Variants in PHACTR4 observed in about 807,000 individuals in gnomAD.
PHACTR4 encodes the protein protein phosphatase 1, regulatory subunit 124.
PHACTR4 carries 51 observed loss-of-function variants against 72.7 expected under a neutral mutation model. That is an observed-to-expected ratio of 0.70 (90% CI 0.56 to 0.89). The LOEUF is 0.89. Among genes scored for constraint, PHACTR4 ranks in the 40% least tolerant of loss-of-function variants. PHACTR4 has a pLI of 0.00. For synonymous variants in PHACTR4, 255 were observed against 302.5 expected, an observed-to-expected ratio of 0.84 and a Z score of 1.63; for missense variants, 731 against 861.8, an observed-to-expected ratio of 0.85 and a Z score of 1.90.
chr1:28,418,415 A>T (rs1418589600), intron 2 of PHACTR4, among the ~76,000 whole-genome samples: 1 of 151,998 alleles, frequency 6.6e-6, no homozygotes, highest in African/African-American at 2.4e-5. Context: ...TGGGAGGCAG[A>T]GGTTGCAGTG....
intron 1 of PHACTR4, among the ~76,000 whole-genome samples, chr1:28,380,749 G>C (rs779110308): frequency 6.6e-6 from 1 of 152,028 alleles, no homozygotes; most frequent in Non-Finnish European, 1.5e-5. Flanking sequence ...TACTTTTGAT[G>C]GGCATTTAGG....
chr1:28,379,742 A>G (rs1380438312), intron 1 of PHACTR4, among the ~76,000 whole-genome samples: 2 of 151,374 alleles, frequency 1.3e-5, no homozygotes, highest in African/African-American at 4.9e-5. Context: ...GGCGCCCGCC[A>G]CCACACCCGA....
At chr1:28,370,624 C>CAAAAA (rs1026543199) in intron 1 of PHACTR4, among the ~76,000 whole-genome samples, 3 of 142,294 alleles carry the variant, frequency 2.1e-5, no homozygotes, top group South Asian at 2.2e-4. Context: ...AAAAAAAAAA[C>CAAAAA]CCTCCAGTGC....
At chr1:28,468,543 G>T (rs1659364287) in intron 6 of PHACTR4, among the ~76,000 whole-genome samples, 1 of 152,186 alleles carries the variant, frequency 6.6e-6, no homozygotes, top group Non-Finnish European at 1.5e-5. Context: ...AGTGAGCTGA[G>T]ATTGTGCCAC....
At chr1:28,471,735 C>T (rs1221967089) in intron 6 of PHACTR4, among the ~76,000 whole-genome samples, 1 of 151,974 alleles carries the variant, frequency 6.6e-6, no homozygotes, top group Non-Finnish European at 1.5e-5. Context: ...AGGGTGAAGG[C>T]TTCTCATCTA....
chr1:28,452,077 A>G (rs1658017160), intron 2 of PHACTR4, among the ~76,000 whole-genome samples: 1 of 152,168 alleles, frequency 6.6e-6, no homozygotes, highest in Admixed American at 6.5e-5. Context: ...ATATACTTAA[A>G]AGAACTCTTA....
chr1:28,420,460 A>G (rs1407436806), intron 2 of PHACTR4, among the ~76,000 whole-genome samples: 2 of 152,070 alleles, frequency 1.3e-5, no homozygotes, highest in African/African-American at 4.8e-5. Context: ...ACCTCCCACC[A>G]TTATGGTAAG....
intron 2 of PHACTR4, among the ~76,000 whole-genome samples, chr1:28,437,319 G>A (rs1557813074): frequency 6.6e-6 from 1 of 152,148 alleles, no homozygotes; most frequent in East Asian, 1.9e-4. Context: ...CACCTCCTGG[G>A]CTCAGGCAAT....
In PHACTR4 at chr1:28,453,943, C is replaced by T. The variant is rs746815838; in HGVS notation, c.17-5142C>T. The T allele has an allele frequency of 1.4e-4, 89 of 641,458 alleles. 1 individual carries two copies. The highest frequency in any genetic ancestry group is 4.6e-4 in the East Asian group (11 of 24,040). The allele number at this position is 641,458 out of a possible 1,614,324, so 39.7% of individuals were successfully genotyped here. On this transcript the variant is annotated intron_variant, in intron 2 of 13. Transcript: ENST00000373839. ...AGAATACATGGAACACGGCCAGGCA[C>T]GGTGGCACACGCCCGTAATCTTAGC... is the stretch of plus-strand genomic sequence containing the variant.
intron 1 of PHACTR4, among the ~76,000 whole-genome samples, chr1:28,384,025 G>A (rs534896520): frequency 2.0e-5 from 3 of 152,278 alleles, no homozygotes; most frequent in East Asian, 1.9e-4. Context: ...CTTGATTGTG[G>A]TGGGTAAGCT....
intron 2 of PHACTR4, among the ~76,000 whole-genome samples, chr1:28,444,389 C>T (rs1657281054): frequency 6.6e-6 from 1 of 150,648 alleles, no homozygotes; most frequent in Non-Finnish European, 1.5e-5. Flanking sequence ...GCCACCATGA[C>T]CAGCTAATTT....
At chr1:28,409,750 T>A (rs1321371319) in intron 2 of PHACTR4, among the ~76,000 whole-genome samples, 1 of 152,130 alleles carries the variant, frequency 6.6e-6, no homozygotes, top group Non-Finnish European at 1.5e-5. Context: ...TGTCTTGCTT[T>A]GAGAAGACTG....
rs779833186 is a variant in PHACTR4 at position 28,466,778 on chromosome 1, T to A, written c.823+10T>A. The A allele has an allele frequency of 1.3e-6, 2 of 1,598,418 alleles. No individual in the cohort carries two copies. The highest frequency in any genetic ancestry group is 3.4e-5 in the Admixed American group (2 of 58,324). ...AGCAACCCTGTCATTGGTAAGTAAG[T>A]CTTTAGGCTTCCAGTGTTTTGGGTT... On this transcript the variant is annotated intron_variant, in intron 6 of 13. Coordinates refer to ENST00000373839, the MANE Select transcript of PHACTR4 (RefSeq NM_001048183.3).
At position 28,465,807 on chromosome 1, in the gene PHACTR4, C is replaced by CTTA. The variant is rs1659123829; in HGVS notation, c.395_397dup (p.Leu132_Arg133insIle). 1 of 1,610,710 alleles carries CTTA rather than the reference C, an allele frequency of 6.2e-7. No individual in the cohort carries two copies. The stretch of plus-strand genomic sequence containing the variant: ...GGAAGAGCCAGTAAGATTAGCAAGT[C>CTTA]TTAGGAAAGCTATTCCAGAAGAGGA... On this transcript the variant is annotated inframe_insertion, in exon 5 of 14. Coordinates refer to ENST00000373839, the MANE Select transcript of PHACTR4 (RefSeq NM_001048183.3).
At chr1:28,444,782 A>ATTTTT (rs577693546) in intron 2 of PHACTR4, among the ~76,000 whole-genome samples, 5 of 116,680 alleles carry the variant, frequency 4.3e-5, no homozygotes, top group Admixed American at 8.7e-5. Context: ...CACCCAGCTA[A>ATTTTT]TTTTTTTTTT....
intron 1 of PHACTR4, among the ~76,000 whole-genome samples, chr1:28,380,050 ACTTTTTTTTTTTT>A (rs1652035084): frequency 7.8e-6 from 1 of 128,078 alleles, no homozygotes; most frequent in Non-Finnish European, 1.6e-5. Flanking sequence ...TTTAAATGTA[ACTTTTTTTTTTTT>A]TTTTTTTTTT....
At chr1:28,453,617 G>C in intron 2 of PHACTR4, 1 of 1,221,896 alleles carries the variant, frequency 8.2e-7, no homozygotes, top group Non-Finnish European at 1.2e-6. Context: ...CTACAGTGAG[G>C]TGAAACAAAT....
intron 2 of PHACTR4, among the ~76,000 whole-genome samples, chr1:28,452,055 C>T (rs1658015425): frequency 6.6e-6 from 1 of 152,070 alleles, no homozygotes; most frequent in Non-Finnish European, 1.5e-5. Flanking sequence ...TTACTTGTGG[C>T]AAACTAGGAG....
At chr1:28,377,384 G>A (rs1010975167) in intron 1 of PHACTR4, among the ~76,000 whole-genome samples, 3 of 151,278 alleles carry the variant, frequency 2.0e-5, no homozygotes, top group Non-Finnish European at 4.4e-5. Context: ...GGTTACAGGC[G>A]TGCACCACTA....
Sources: gnomAD v4.1 joint callset for allele counts (sites outside exome capture counted in the v4.1 genomes callset) on GRCh38, gnomAD v4.1.1 for gene constraint, MANE v1.5 for transcripts, NCBI Gene and HGNC (gene_info 2026-07-23, HGNC 2026-07-21) for gene names.